CDH26: variants seen among roughly 807,000 people sequenced by gnomAD.
CDH26 encodes cadherin-like protein 26.
In CDH26, 83 loss-of-function variants were observed where a neutral mutation model predicts 90.3. The observed-to-expected ratio is 0.92, with a 90% CI of 0.77 to 1.10. The LOEUF is 1.10. Among genes scored for constraint, CDH26 ranks in the 50% least tolerant of loss-of-function variants. CDH26 has a pLI of 0.00. For synonymous variants in CDH26, 397 were observed against 396.3 expected (o/e 1.00, Z -0.02); for missense variants, 1,013 against 1,037.6 (o/e 0.98, Z 0.33).
At chr20:59,986,642 CA>C (rs2061462507) in intron 7 of CDH26, among the ~76,000 whole-genome samples, 1 of 151,758 alleles carries the variant, frequency 6.6e-6, no homozygotes, top group Non-Finnish European at 1.5e-5. Flanking sequence ...CACACACACA[CA>C]CACACACACA....
chr20:59,982,998 G>A lies in CDH26; in HGVS notation c.469G>A (p.Asp157Asn). ...CTTGATTTTCAACATTAGGATCAGT[G>A]ATGTGAATGATCATGCACCCCAGTT... ...TSLIFNIRIS[D>N]VNDHAPQFPE... Residue 157 changes from aspartate (D) to asparagine (N), a missense_variant, in exon 5 of 18, where the codon GAT becomes AAT. Asp to Asn is a conservative substitution (Grantham distance 23, BLOSUM62 1). Transcript: ENST00000348616. 2.5e-6 allele frequency: 4 copies of A among 1,614,096 alleles called. No homozygotes were observed. Among genetic ancestry groups the A allele is most frequent in the Non-Finnish European group, 3.4e-6 (4 of 1,179,974 alleles).
At chr20:59,999,741 A>T (rs2061650644) in intron 14 of CDH26, 78 bp downstream of exon 14, 2 of 1,362,116 alleles carry the variant, frequency 1.5e-6, no homozygotes, top group South Asian at 2.4e-5. Flanking sequence ...AACACCTGGG[A>T]TGCTCCTCCC....
chr20:60,019,710 T>C (rs174269), intron 7 of CDH26, among the ~76,000 whole-genome samples: 71,823 of 151,990 alleles, frequency 0.47, 17,272 homozygotes, highest in African/African-American at 0.55. Flanking sequence ...TTCCTTATAA[T>C]TGGGGTCTGT....
In CDH26 at chr20:59,958,602, G is replaced by T; in HGVS notation, c.-125G>T. ...ATGGGATGAAAGCATCTGGGCCAAA[G>T]TGACCTGAAAACCTTTAGAGAAGAA... is the stretch of plus-strand genomic sequence containing the variant. On this transcript the variant is annotated 5_prime_UTR_variant, in exon 1 of 18. Coordinates refer to ENST00000348616, the MANE Select transcript of CDH26 (RefSeq NM_177980.4). 1.2e-6 allele frequency: 1 copy of T among 850,168 alleles called. No individual in the cohort carries two copies. The highest frequency in any genetic ancestry group is 1.9e-6 in the Non-Finnish European group (1 of 514,978). The allele number at this position is 850,168 out of a possible 1,614,324, so 52.7% of individuals were successfully genotyped here.
chr20:59,959,148 T>C (rs1435906696), intron 1 of CDH26, among the ~76,000 whole-genome samples: 1 of 152,200 alleles, frequency 6.6e-6, no homozygotes, highest in Admixed American at 6.5e-5. Flanking sequence ...TCATCCAGGC[T>C]GGAGTGCAGT....
At chr20:59,996,592 A>G in intron 12 of CDH26, 39 bp from the exon 13 acceptor site, 1 of 1,614,172 alleles carries the variant, frequency 6.2e-7, no homozygotes, top group African/African-American at 1.3e-5. Flanking sequence ...GATATGGGTG[A>G]GCTTGTCTAA....
chr20:59,988,765 A>T (rs563990278), intron 8 of CDH26, 139 bp from the exon 9 acceptor site: 3 of 879,088 alleles, frequency 3.4e-6, no homozygotes, highest in Non-Finnish European at 5.1e-6. Context: ...CTGTCTTTTG[A>T]TCATTATCAA....
chr20:60,003,800 A>G (rs2061705292), intron 16 of CDH26, among the ~76,000 whole-genome samples: 1 of 152,190 alleles, frequency 6.6e-6, no homozygotes, highest in Non-Finnish European at 1.5e-5. Flanking sequence ...ATAGAGTTAA[A>G]CCAGTGGCTA....
Position 60,012,908 on chromosome 20 carries a change from GAACCAAAGCAA to G in CDH26, c.*184_*194del. The G allele has an allele frequency of 3.6e-6, 2 of 562,540 alleles. No homozygotes were observed. Among genetic ancestry groups the G allele is most frequent in the Non-Finnish European group, 6.1e-6 (2 of 328,918 alleles). The allele number at this position is 562,540 out of a possible 1,614,324, so 34.8% of individuals were successfully genotyped here. On this transcript the variant is annotated 3_prime_UTR_variant, in exon 18 of 18. Coordinates refer to ENST00000348616, the MANE Select transcript of CDH26 (RefSeq NM_177980.4). The stretch of plus-strand genomic sequence containing the variant: ...TTGATATTCTCAGATCAGCCATCTT[GAACCAAAGCAA>G]AACCACAAGTTACACTTTCTTAAAA...
intron 17 of CDH26, among the ~76,000 whole-genome samples, chr20:60,011,560 T>G (rs1228661210): frequency 6.6e-6 from 1 of 152,154 alleles, no homozygotes; most frequent in African/African-American, 2.4e-5. Context: ...CCTGTAGGAT[T>G]TGAAGGCCAG....
At chr20:59,994,603 C>A in intron 11 of CDH26, 114 bp downstream of exon 11, 2 of 1,280,466 alleles carry the variant, frequency 1.6e-6, no homozygotes, top group Non-Finnish European at 2.1e-6. Flanking sequence ...GGTCTGCGTT[C>A]TGGCAGAGCT....
chr20:59,967,884 C>T lies in CDH26; in HGVS notation c.70-1083C>T, dbSNP rs376115836. Among the ~76,000 whole-genome samples, 690 of 102,888 alleles carry T rather than the reference C, an allele frequency of 6.7e-3. 15 individuals are homozygous for T. Among genetic ancestry groups the T allele is most frequent in the African/African-American group, 0.027 (486 of 17,882 alleles). The allele number at this position is 102,888 out of a possible 152,430, so 67.5% of individuals were successfully genotyped here. On this transcript the variant is annotated intron_variant, in intron 1 of 17. Transcript: ENST00000348616. ...TTCTTTCTTTCTTTCTTTCTTCCTT[C>T]CTTCCTTCCTTCCTTCCTTCCTTCC...
chr20:60,001,734 C>A, intron 15 of CDH26: 2 of 651,970 alleles, frequency 3.1e-6, no homozygotes, highest in Non-Finnish European at 3.8e-6. Context: ...GTTAAAAGCA[C>A]AGCACTTTGG....
chr20:60,018,890 G>A (rs1601219615), downstream of CDH26, among the ~76,000 whole-genome samples: 1 of 151,466 alleles, frequency 6.6e-6, no homozygotes, highest in East Asian at 1.9e-4. Flanking sequence ...AGCATTTCTT[G>A]TAAGATCAGA....
At chr20:59,971,737 C>T (rs1378688490) in intron 3 of CDH26, among the ~76,000 whole-genome samples, 1 of 152,120 alleles carries the variant, frequency 6.6e-6, no homozygotes, top group Non-Finnish European at 1.5e-5. Flanking sequence ...TGTTGATGAA[C>T]ATTTATGCTA....
At position 60,004,791 on chromosome 20, in the gene CDH26, G is replaced by T. The variant is rs148857622; in HGVS notation, c.2221-1922G>T. On this transcript the variant is annotated intron_variant, in intron 16 of 17. Coordinates refer to ENST00000348616, the MANE Select transcript of CDH26 (RefSeq NM_177980.4). ...AAAAAAAAAAAAAAAAAAAAGAAAA[G>T]AAAAAAACACCTACACATAGAAAAG... Among the ~76,000 whole-genome samples the T allele has an allele frequency of 7.3e-5, 10 of 137,278 alleles. No individual in the cohort carries two copies. In the East Asian group the frequency reaches 2.1e-3, roughly 29 times the overall value. The allele number at this position is 137,278 out of a possible 152,430, so 90.1% of individuals were successfully genotyped here.
At chr20:59,977,075 A>G (rs898543075) in intron 4 of CDH26, among the ~76,000 whole-genome samples, 4 of 152,038 alleles carry the variant, frequency 2.6e-5, no homozygotes, top group African/African-American at 9.7e-5. Context: ...TGAAATAGTC[A>G]CTTAGTCTCT....
intron 17 of CDH26, among the ~76,000 whole-genome samples, chr20:60,008,107 C>G (rs2061778906): frequency 6.6e-6 from 1 of 152,162 alleles, no homozygotes; most frequent in Non-Finnish European, 1.5e-5. Context: ...GCCATTCTGA[C>G]TCTAAGCAGC....
chr20:60,019,651 A>T (rs2061936070), intron 7 of CDH26, among the ~76,000 whole-genome samples: 1 of 151,978 alleles, frequency 6.6e-6, no homozygotes, highest in South Asian at 2.1e-4. Flanking sequence ...ATCTCACTGA[A>T]TTTCCTTAAG....
Sources: allele counts gnomAD v4.1 joint callset (sites outside exome capture counted in the v4.1 genomes callset), GRCh38; gene constraint gnomAD v4.1.1; transcripts MANE v1.5; gene names NCBI Gene and HGNC (gene_info 2026-07-23, HGNC 2026-07-21).